The following SLC29A3 variants were observed in gnomAD, a reference collection of about 807,000 sequenced individuals.
The protein encoded by SLC29A3 is solute carrier family 29 member 3.
Under a neutral mutation model 25.4 loss-of-function variants are expected in SLC29A3, and 18 were observed. The ratio of observed to expected loss-of-function variants is 0.71; its 90% CI spans 0.49 to 1.05. The LOEUF (loss-of-function observed/expected upper bound fraction) is 1.05. Ranked by LOEUF, SLC29A3 falls within the 50% of genes least tolerant of loss-of-function variation. The pLI, the probability that SLC29A3 is intolerant of heterozygous loss-of-function variation, is 0.00. For synonymous variants in SLC29A3, 258 were observed against 267.1 expected, an observed-to-expected ratio of 0.97 and a Z score of 0.33; for missense variants, 586 against 609.0, an observed-to-expected ratio of 0.96 and a Z score of 0.40.
At chr10:71,359,716 A>G (rs1847005701) in intron 5 of SLC29A3, among the ~76,000 whole-genome samples, 1 of 152,180 alleles carries the variant, frequency 6.6e-6, no homozygotes, top group Non-Finnish European at 1.5e-5. Flanking sequence ...TTTACAGAGG[A>G]GGAAGCAGGC....
chr10:71,356,750 C>T (rs1322376238), intron 5 of SLC29A3, among the ~76,000 whole-genome samples: 2 of 152,110 alleles, frequency 1.3e-5, no homozygotes, highest in Non-Finnish European at 2.9e-5. Flanking sequence ...CACTTGAGCC[C>T]AGGAGTTGGA....
intron 5 of SLC29A3, among the ~76,000 whole-genome samples, chr10:71,360,544 C>T (rs1290103924): frequency 6.6e-6 from 1 of 152,168 alleles, no homozygotes. Flanking sequence ...TAGAGATGAA[C>T]AGGGCAAGTT....
At chr10:71,361,722 C>T (rs1044149438) in intron 5 of SLC29A3, among the ~76,000 whole-genome samples, 2 of 152,220 alleles carry the variant, frequency 1.3e-5, no homozygotes, top group African/African-American at 4.8e-5. Context: ...TTCCTCTGTC[C>T]CTGCTCATGG....
intron 3 of SLC29A3, among the ~76,000 whole-genome samples, chr10:71,373,232 T>A (rs1429003150): frequency 1.3e-5 from 2 of 152,206 alleles, no homozygotes; most frequent in African/African-American, 4.8e-5. Flanking sequence ...TTTCTAATAA[T>A]GTTGTGTGAA....
chr10:71,350,787 C>A (rs1846735195), intron 3 of SLC29A3, among the ~76,000 whole-genome samples: 1 of 152,214 alleles, frequency 6.6e-6, no homozygotes, highest in South Asian at 2.1e-4. Context: ...AGTAGAGCAT[C>A]ATTCTGAGAA....
At chr10:71,373,004 G>A (rs561167795) in intron 3 of SLC29A3, among the ~76,000 whole-genome samples, 7 of 152,284 alleles carry the variant, frequency 4.6e-5, no homozygotes, top group South Asian at 4.1e-4. Context: ...TCACCCCCTC[G>A]CAGGCATTCC....
At chr10:71,323,374 C>G (rs1845897455) in intron 2 of SLC29A3, among the ~76,000 whole-genome samples, 1 of 152,230 alleles carries the variant, frequency 6.6e-6, no homozygotes, top group Admixed American at 6.5e-5. Flanking sequence ...GTCGGGACAG[C>G]CCAAGGCTGG....
chr10:71,344,190 C>G lies in SLC29A3; in HGVS notation c.301-19C>G. 1.2e-6 allele frequency: 2 copies of G among 1,605,250 alleles called. No homozygotes were observed. The highest frequency in any genetic ancestry group is 1.7e-6 in the Non-Finnish European group (2 of 1,171,964). ...CATCCCTGAGTGACCGCAGCACCTC[C>G]TCACTTGTGTGCTTGCAGAACTACT... On this transcript the variant is annotated intron_variant, in intron 2 of 5. Coordinates refer to ENST00000373189, the MANE Select transcript of SLC29A3 (RefSeq NM_018344.6).
At chr10:71,348,358 C>T (rs78067905) in intron 3 of SLC29A3, among the ~76,000 whole-genome samples, 2,344 of 152,348 alleles carry the variant, frequency 0.015, 44 homozygotes, top group African/African-American at 0.045. Context: ...GAATCATTAG[C>T]TGTTAGGGAC....
At chr10:71,372,919 C>T (rs1014975248) in intron 3 of SLC29A3, among the ~76,000 whole-genome samples, 1 of 151,986 alleles carries the variant, frequency 6.6e-6, no homozygotes, top group Non-Finnish European at 1.5e-5. Flanking sequence ...GGGACAGGGG[C>T]GGGGGCGAGA....
chr10:71,340,967 G>A (rs771917649), intron 2 of SLC29A3, among the ~76,000 whole-genome samples: 6 of 152,186 alleles, frequency 3.9e-5, no homozygotes, highest in African/African-American at 9.7e-5. Context: ...ATTTTGGAGC[G>A]GCCACAGCTT....
Position 71,362,718 on chromosome 10 carries a change from G to C in SLC29A3, c.*110G>C, listed in dbSNP as rs1193440272. 5 of 1,445,256 alleles carry C rather than the reference G, an allele frequency of 3.5e-6. No homozygotes were observed. Among genetic ancestry groups the C allele is most frequent in the East Asian group, 2.3e-5 (1 of 43,676 alleles). The allele number at this position is 1,445,256 out of a possible 1,614,324, so 89.5% of individuals were successfully genotyped here. On this transcript the variant is annotated 3_prime_UTR_variant, in exon 6 of 6. Transcript: ENST00000373189. ...GCCTAAAGTTTCACTTGGGGACAGA[G>C]AGCAGAGCACACTCGGGCCTCATCC...
At chr10:71,326,062 C>A (rs750792313) in intron 2 of SLC29A3, among the ~76,000 whole-genome samples, 11 of 151,854 alleles carry the variant, frequency 7.2e-5, no homozygotes, top group Non-Finnish European at 1.3e-4. Context: ...AGACTACAGG[C>A]ACACACCACC....
chr10:71,368,609 C>G (rs1055482539), intron 3 of SLC29A3, among the ~76,000 whole-genome samples: 2 of 152,212 alleles, frequency 1.3e-5, no homozygotes, highest in African/African-American at 4.8e-5. Context: ...GTCCTTTGGA[C>G]AGGCTGTTTC....
intron 5 of SLC29A3, among the ~76,000 whole-genome samples, chr10:71,361,049 G>A (rs1589243491): frequency 6.6e-6 from 1 of 152,348 alleles, no homozygotes; most frequent in Middle Eastern, 3.4e-3. Context: ...TGTATGGCTT[G>A]ACCCCACTCT....
At chr10:71,361,391 G>A (rs1847050165) in intron 5 of SLC29A3, among the ~76,000 whole-genome samples, 1 of 152,138 alleles carries the variant, frequency 6.6e-6, no homozygotes, top group South Asian at 2.1e-4. Context: ...TGAACTCTGG[G>A]GCTCAAGCAA....
intron 1 of SLC29A3, among the ~76,000 whole-genome samples, chr10:71,322,060 T>C (rs1442040537): frequency 1.3e-5 from 2 of 152,218 alleles, no homozygotes; most frequent in Admixed American, 1.3e-4. Flanking sequence ...ATTTTGTTTT[T>C]GAACCGGTAA....
intron 2 of SLC29A3, among the ~76,000 whole-genome samples, chr10:71,326,187 T>C (rs190542140): frequency 2.6e-5 from 4 of 152,292 alleles, no homozygotes; most frequent in South Asian, 2.1e-4. Context: ...CCCAAAGTGC[T>C]GGGGTTACAG....
At chr10:71,321,355 G>A (rs1003062121) in intron 1 of SLC29A3, among the ~76,000 whole-genome samples, 2 of 152,336 alleles carry the variant, frequency 1.3e-5, no homozygotes, top group Non-Finnish European at 2.9e-5. Flanking sequence ...TTGGTACGAT[G>A]CTTTGAGTTA....
Sources: gnomAD v4.1 joint callset for allele counts (sites outside exome capture counted in the v4.1 genomes callset) on GRCh38, gnomAD v4.1.1 for gene constraint, MANE v1.5 for transcripts, NCBI Gene and HGNC (gene_info 2026-07-23, HGNC 2026-07-21) for gene names.